The following PPARGC1A variants were observed in gnomAD, a reference collection of about 807,000 sequenced individuals.
The protein encoded by PPARGC1A is peroxisome proliferator-activated receptor gamma coactivator 1-alpha.
Under a neutral mutation model 88.7 loss-of-function variants are expected in PPARGC1A, and 25 were observed. The ratio of observed to expected loss-of-function variants is 0.28; its 90% confidence interval spans 0.21 to 0.39. The LOEUF (loss-of-function observed/expected upper bound fraction) is 0.39. Ranked by LOEUF, PPARGC1A falls within the 10% of genes least tolerant of loss-of-function variation. The pLI is 1.00. For synonymous variants in PPARGC1A, 363 were observed against 355.6 expected, an observed-to-expected ratio of 1.02 and a Z score of -0.24; for missense variants, 880 against 968.7, an observed-to-expected ratio of 0.91 and a Z score of 1.22.
chr4:24,209,290 T>C, the PPARGC1A span, among the ~76,000 whole-genome samples: 4 of 152,204 alleles, frequency 2.6e-5, no homozygotes, highest in African/African-American at 9.6e-5. Context: ...TGCTGCCTGA[T>C]GACTTCTTCT....
At chr4:24,096,195 G>T in the PPARGC1A span, among the ~76,000 whole-genome samples, 1,079 of 152,246 alleles carry the variant, frequency 7.1e-3, 3 homozygotes, top group Non-Finnish European at 0.011. Context: ...TGCGAAGAAG[G>T]CGCTTGCTTC....
At chr4:24,165,225 A>T in the PPARGC1A span, among the ~76,000 whole-genome samples, 2 of 152,192 alleles carry the variant, frequency 1.3e-5, no homozygotes, top group Non-Finnish European at 2.9e-5. Flanking sequence ...AAATAACTGA[A>T]TGCTGGTATT....
At chr4:23,999,087 C>G in the PPARGC1A span, among the ~76,000 whole-genome samples, 2 of 152,158 alleles carry the variant, frequency 1.3e-5, no homozygotes, top group Non-Finnish European at 2.9e-5. Flanking sequence ...GGGCTGGTTA[C>G]AGACAACAAA....
chr4:24,445,101 C>T, the PPARGC1A span, among the ~76,000 whole-genome samples: 2 of 152,014 alleles, frequency 1.3e-5, no homozygotes, highest in Non-Finnish European at 2.9e-5. Context: ...ACTTGAGCAT[C>T]CCTACACTGA....
chr4:24,344,755 T>A, the PPARGC1A span, among the ~76,000 whole-genome samples: 2 of 152,220 alleles, frequency 1.3e-5, no homozygotes, highest in Admixed American at 1.3e-4. Context: ...CCCTTTAGTT[T>A]AATTAGGTCC....
At chr4:24,095,115 C>CTT in the PPARGC1A span, among the ~76,000 whole-genome samples, 2,500 of 122,376 alleles carry the variant, frequency 0.02, 90 homozygotes, top group African/African-American at 0.027. Flanking sequence ...GAAATAGGGT[C>CTT]TTTTTTTTTT....
At chr4:24,326,192 T>C in the PPARGC1A span, among the ~76,000 whole-genome samples, 623 of 152,258 alleles carry the variant, frequency 4.1e-3, 8 homozygotes, top group African/African-American at 0.015. Context: ...CCCCGCTGAA[T>C]GCCAATATCC....
the PPARGC1A span, among the ~76,000 whole-genome samples, chr4:24,416,786 T>A: frequency 1.3e-5 from 2 of 152,110 alleles, no homozygotes; most frequent in African/African-American, 4.8e-5. Context: ...ATCCCGGCAC[T>A]TTTGGAGGCT....
At chr4:24,349,804 A>T in the PPARGC1A span, among the ~76,000 whole-genome samples, 1 of 152,032 alleles carries the variant, frequency 6.6e-6, no homozygotes, top group Non-Finnish European at 1.5e-5. Flanking sequence ...ACCATCCCTC[A>T]AGTTCTGGCC....
chr4:24,368,748 G>A, the PPARGC1A span, among the ~76,000 whole-genome samples: 1 of 152,104 alleles, frequency 6.6e-6, no homozygotes, highest in East Asian at 1.9e-4. Context: ...TACACTAAAG[G>A]GAGGTAGTTG....
At chr4:24,221,582 A>G in the PPARGC1A span, among the ~76,000 whole-genome samples, 1 of 152,202 alleles carries the variant, frequency 6.6e-6, no homozygotes, top group Non-Finnish European at 1.5e-5. Flanking sequence ...AAATATTTGC[A>G]TATGCATCAT....
intron 2 of PPARGC1A, chr4:23,883,160 G>A (rs913986429): frequency 6.6e-5 from 10 of 152,156 alleles, no homozygotes; most frequent in Admixed American, 3.3e-4. Flanking sequence ...TCTAAGACCC[G>A]GCTGAGAAGC....
the PPARGC1A span, among the ~76,000 whole-genome samples, chr4:24,358,224 A>C: frequency 1.3e-5 from 2 of 152,222 alleles, no homozygotes; most frequent in Non-Finnish European, 2.9e-5. Context: ...CTCTGACCCC[A>C]AAGTCTAAGC....
the PPARGC1A span, among the ~76,000 whole-genome samples, chr4:23,973,225 G>A: frequency 6.6e-6 from 1 of 152,184 alleles, no homozygotes; most frequent in South Asian, 2.1e-4. Context: ...TTTAAGGAGA[G>A]CAGCCTTAGC....
chr4:23,844,431 A>C (rs1164407237), intron 2 of PPARGC1A, among the ~76,000 whole-genome samples: 1 of 128,624 alleles, frequency 7.8e-6, no homozygotes, highest in African/African-American at 3.0e-5. Flanking sequence ...TATATTATAT[A>C]TATTATATAT....
chr4:24,004,261 G>A, the PPARGC1A span, among the ~76,000 whole-genome samples: 1 of 152,146 alleles, frequency 6.6e-6, no homozygotes, highest in Non-Finnish European at 1.5e-5. Flanking sequence ...CAGTTGAATA[G>A]AGAGGAAACA....
intron 2 of PPARGC1A, among the ~76,000 whole-genome samples, chr4:23,844,936 G>T (rs545046007): frequency 2.7e-4 from 40 of 146,436 alleles, no homozygotes; most frequent in South Asian, 1.9e-3. Context: ...GAGCAGCAAA[G>T]CATAATAGCT....
At chr4:24,172,321 A>G in the PPARGC1A span, among the ~76,000 whole-genome samples, 1 of 152,172 alleles carries the variant, frequency 6.6e-6, no homozygotes, top group African/African-American at 2.4e-5. Flanking sequence ...CCCCTGGCCA[A>G]AGAAAGAGGA....
chr4:24,249,884 T>C, the PPARGC1A span, among the ~76,000 whole-genome samples: 12 of 152,156 alleles, frequency 7.9e-5, no homozygotes, highest in Middle Eastern at 3.2e-3. Flanking sequence ...ACCTAGCCCA[T>C]AGTAAGTGCT....
Sources: allele counts gnomAD v4.1 joint callset (sites outside exome capture counted in the v4.1 genomes callset), GRCh38; gene constraint gnomAD v4.1.1; transcripts MANE v1.5; gene names NCBI Gene and HGNC (gene_info 2026-07-23, HGNC 2026-07-21).